TIPIN: variants seen among roughly 807,000 people sequenced by gnomAD.
TIPIN encodes the protein TIMELESS-interacting protein.
TIPIN carries 29 observed loss-of-function variants against 35.6 expected under a neutral mutation model. The observed-to-expected ratio is 0.82, with a 90% CI of 0.61 to 1.11. The LOEUF is 1.11. Ranked by LOEUF, TIPIN falls within the 50% of genes most tolerant of loss-of-function variation. The probability of loss-of-function intolerance (pLI) is 0.00; values close to 1 mark genes in which losing one functional copy is unlikely to be tolerated. For synonymous variants in TIPIN, 102 were observed against 121.5 expected (o/e 0.84, Z 1.06); for missense variants, 296 against 345.4 (o/e 0.86, Z 1.13).
In TIPIN at chr15:66,356,623, G is replaced by C. The variant is rs910252415; in HGVS notation, c.-9+16C>G. The C allele has an allele frequency of 3.1e-6, 3 of 976,014 alleles. No individual in the cohort carries two copies. In the African/African-American group the frequency reaches 5.3e-5, roughly 17 times the overall value. 60.5% of individuals were successfully genotyped at this position (976,014 alleles called of 1,614,324 possible). ...CTCCCCGCAAGAACTTCATTGGCCC[G>C]CCAGCCAGCTCTCACCTCACGCAGA... On this transcript the variant is annotated intron_variant, in intron 1 of 7. Coordinates refer to ENST00000261881, the MANE Select transcript of TIPIN (RefSeq NM_017858.3).
chr15:66,366,933 C>G lies in TIPIN; in HGVS notation c.-8-13978G>C, dbSNP rs370383225. The G allele has an allele frequency of 1.1e-5, 11 of 978,390 alleles. No homozygotes were observed. The Admixed American group carries it at 1.9e-4, about 16-fold the overall frequency. The allele number at this position is 978,390 out of a possible 1,614,324, so 60.6% of individuals were successfully genotyped here. A position where few individuals can be genotyped will look rare whatever the true frequency, so the allele number is the denominator to read the frequency against. ...ATGGTGGCTCATACCTGTAATCCCA[C>G]CACTTTGGGAGGCCAAGGCAGGTGA... On this transcript the variant is annotated intron_variant, in intron 1 of 7. Coordinates refer to the TIPIN transcript ENST00000562124.
chr15:66,350,975 T>C (rs1039377907), intron 4 of TIPIN, among the ~76,000 whole-genome samples: 2 of 149,882 alleles, frequency 1.3e-5, no homozygotes, highest in African/African-American at 2.4e-5. Context: ...ATATTAGATA[T>C]TAGAAACACT....
chr15:66,363,778 C>T (rs1015157066), intron 1 of TIPIN, among the ~76,000 whole-genome samples: 7 of 151,894 alleles, frequency 4.6e-5, no homozygotes, highest in African/African-American at 1.7e-4. Flanking sequence ...GTCAGGAGAT[C>T]GAGACCATCC....
At chr15:66,357,086 TTTTG>T (rs746583795), upstream of TIPIN, among the ~76,000 whole-genome samples, 44 of 151,980 alleles carry the variant, frequency 2.9e-4, no homozygotes, top group South Asian at 1.2e-3. Flanking sequence ...TTTAATGGGT[TTTTG>T]TTTGTTTGTT....
At chr15:66,356,530 G>C (rs2093205133) in intron 1 of TIPIN, 109 bp downstream of exon 1, 1 of 884,824 alleles carries the variant, frequency 1.1e-6, no homozygotes. Flanking sequence ...GCGACAATTA[G>C]GCTTTCCCGC....
At chr15:66,376,637 C>G (rs1299057384) in intron 1 of TIPIN, among the ~76,000 whole-genome samples, 1 of 151,510 alleles carries the variant, frequency 6.6e-6, no homozygotes, top group African/African-American at 2.4e-5. Context: ...ATCATGTTGG[C>G]CAGGCTGTCT....
rs759463833 is a variant in TIPIN at position 66,341,158 on chromosome 15, A to G, written c.674T>C (p.Leu225Pro). 4.3e-6 allele frequency: 7 copies of G among 1,610,568 alleles called. No homozygotes were observed. The highest frequency in any genetic ancestry group is 1.3e-5 in the African/African-American group (1 of 74,776). The change falls in exon 7 of 8, where the codon CTA (leucine) becomes CCA (proline). Residue 225 changes from leucine (L) to proline (P), a missense_variant. Coordinates refer to ENST00000261881, the MANE Select transcript of TIPIN (RefSeq NM_017858.3). ...TTTGGCATAAAATTTACCATTTCCT[A>G]GGGTCTGACTATTACTCAGCAGCTT... Reference protein sequence around the residue: ...QAKLLSNSQTLGNDMLMNTPR... With the variant: ...QAKLLSNSQTPGNDMLMNTPR...
In TIPIN at chr15:66,351,641, CTTTTTT is replaced by C. The variant is rs56040501; in HGVS notation, c.213-47_213-42del. 4 of 1,092,362 alleles carry C rather than the reference CTTTTTT, an allele frequency of 3.7e-6. No individual in the cohort carries two copies. The East Asian group carries it at 1.2e-4, about 32-fold the overall frequency. The allele number at this position is 1,092,362 out of a possible 1,614,324, so 67.7% of individuals were successfully genotyped here. ...TGTTTTTAATTTCAAGTTTTATTTT[CTTTTTT>C]TTTTTTTTGAGACGGAGTCTCACTC... On this transcript the variant is annotated intron_variant, in intron 3 of 7. Coordinates refer to ENST00000261881, the MANE Select transcript of TIPIN (RefSeq NM_017858.3).
intron 1 of TIPIN, among the ~76,000 whole-genome samples, chr15:66,382,043 G>A (rs1426415168): frequency 1.4e-5 from 2 of 146,016 alleles, no homozygotes; most frequent in African/African-American, 2.5e-5. Context: ...CCACCTGGGC[G>A]ATGAGTGAAA....
intron 2 of TIPIN, 61 bp from the exon 3 acceptor site, chr15:66,352,268 G>T: frequency 7.7e-7 from 1 of 1,296,494 alleles, no homozygotes; most frequent in Non-Finnish European, 1.1e-6. Flanking sequence ...TATTTATTAT[G>T]TATCATTTCC....
At chr15:66,365,781 G>A (rs1167084920) in intron 1 of TIPIN, among the ~76,000 whole-genome samples, 4 of 152,036 alleles carry the variant, frequency 2.6e-5, no homozygotes, top group African/African-American at 9.7e-5. Flanking sequence ...TCCTGACCTC[G>A]TGATCTGCCC....
At chr15:66,342,205 A>AAAAAAAG (rs1555407163) in intron 6 of TIPIN, among the ~76,000 whole-genome samples, 5 of 150,632 alleles carry the variant, frequency 3.3e-5, no homozygotes, top group African/African-American at 4.9e-5. Flanking sequence ...AAAAAAAAAA[A>AAAAAAAG]AAAGAAAGAA....
rs557789237 is a variant in TIPIN, at chr15:66,386,285, C to A, written c.-9+322G>T. ...CCAGGCTGGGCAACTGAGGGAGACA[C>A]CGTCTTAAAAAAAAAAAAGTTCCCA... is the stretch of plus-strand genomic sequence containing the variant. On this transcript the variant is annotated intron_variant, in intron 1 of 7. Transcript: ENST00000562124. 2.0e-5 allele frequency: 3 copies of A among 150,358 alleles called. No homozygotes were observed. In the South Asian group the frequency reaches 6.3e-4, roughly 32 times the overall value. 9.3% of individuals were successfully genotyped at this position (150,358 alleles called of 1,614,324 possible). A position where few individuals can be genotyped will look rare whatever the true frequency, so the allele number is the denominator to read the frequency against.
intron 1 of TIPIN, among the ~76,000 whole-genome samples, chr15:66,367,710 A>G (rs2093262009): frequency 6.6e-6 from 1 of 151,396 alleles, no homozygotes; most frequent in Non-Finnish European, 1.5e-5. Flanking sequence ...CTTTCTAAAT[A>G]TAATCACTGT....
At chr15:66,381,665 AG>A (rs1458007880) in intron 1 of TIPIN, among the ~76,000 whole-genome samples, 1 of 152,168 alleles carries the variant, frequency 6.6e-6, no homozygotes, top group Admixed American at 6.6e-5. Flanking sequence ...TCTTCTGTAT[AG>A]CTTTCATAAT....
At chr15:66,356,763 G>A (rs1381122883), upstream of TIPIN, 5 of 982,644 alleles carry the variant, frequency 5.1e-6, no homozygotes, top group African/African-American at 8.7e-5. Flanking sequence ...CCGTGCGGGG[G>A]GCTGGGCGGA....
In TIPIN at chr15:66,353,029, C is replaced by T. The variant is rs372098662; in HGVS notation, c.-8-74G>A. The T allele has an allele frequency of 3.5e-6, 5 of 1,416,510 alleles. No individual in the cohort carries two copies. In the Admixed American group the frequency reaches 8.6e-5, roughly 24 times the overall value. The allele number at this position is 1,416,510 out of a possible 1,614,324, so 87.7% of individuals were successfully genotyped here. A position where few individuals can be genotyped will look rare whatever the true frequency, so the allele number is the denominator to read the frequency against. On this transcript the variant is annotated intron_variant, in intron 1 of 7. Coordinates refer to ENST00000261881, the MANE Select transcript of TIPIN (RefSeq NM_017858.3). ...CTATATAGACAAGTTCTACCTGCAG[C>T]CATTTCATGTGTTTCAATCAGTTAG... is the stretch of plus-strand genomic sequence containing the variant.
chr15:66,352,085 TTAAAAA>T (rs752087294), intron 3 of TIPIN, 38 bp downstream of exon 3: 90 of 1,435,794 alleles, frequency 6.3e-5, no homozygotes, highest in Admixed American at 2.2e-5. Context: ...ACAATGGATA[TTAAAAA>T]TAAAAAGTAT....
intron 1 of TIPIN, among the ~76,000 whole-genome samples, chr15:66,365,879 T>G (rs2093252085): frequency 6.6e-6 from 1 of 152,076 alleles, no homozygotes; most frequent in Admixed American, 6.6e-5. Context: ...TTTACTTTCT[T>G]AATAAACTTG....
Sources: gnomAD v4.1 joint callset for allele counts (sites outside exome capture counted in the v4.1 genomes callset) on GRCh38, gnomAD v4.1.1 for gene constraint, MANE v1.5 for transcripts, NCBI Gene and HGNC (gene_info 2026-07-23, HGNC 2026-07-21) for gene names.